Variants in PREX2 observed in about 807,000 individuals in gnomAD.
PREX2 encodes phosphatidylinositol-3,4,5-trisphosphate dependent Rac exchange factor 2.
A neutral mutation model predicts 203.2 loss-of-function variants in PREX2; 107 were observed. The observed-to-expected ratio is 0.53, with a 90% CI of 0.45 to 0.62. The LOEUF is 0.62. Among genes scored for constraint, PREX2 ranks in the 20% least tolerant of loss-of-function variants. The pLI is 0.00. For missense variants in PREX2, 1,777 were observed against 1,955.9 expected, an observed-to-expected ratio of 0.91 and a Z score of 1.72; for synonymous variants, 672 against 663.6, an observed-to-expected ratio of 1.01 and a Z score of -0.19.
chr8:68,027,475 A>G, intron 5 of PREX2, 152 bp downstream of exon 5: 1 of 600,462 alleles, frequency 1.7e-6, no homozygotes, highest in Non-Finnish European at 2.9e-6. Context: ...TCACAAATTT[A>G]TATATAGTGT....
intron 35 of PREX2, among the ~76,000 whole-genome samples, chr8:68,159,059 G>A (rs185212736): frequency 1.8e-3 from 269 of 152,238 alleles, no homozygotes; most frequent in African/African-American, 6.1e-3. Context: ...TGCCAGAACA[G>A]CAACAAAGAC....
rs1251616893 is a variant in PREX2, at chr8:68,235,572, C to A, written c.*4194C>A. On this transcript the variant is annotated 3_prime_UTR_variant, in exon 40 of 40. Coordinates refer to ENST00000288368, the MANE Select transcript of PREX2 (RefSeq NM_024870.4). ...TTGAGAAAAATAATCTGTCTTCTAT[C>A]GAATGTTTGAACTTTTAGTGATGAG... is the stretch of plus-strand genomic sequence containing the variant. 3 of 152,056 alleles carry A rather than the reference C, an allele frequency of 2.0e-5. No individual in the cohort carries two copies. The highest frequency in any genetic ancestry group is 4.4e-5 in the Non-Finnish European group (3 of 67,994). The allele number at this position is 152,056 out of a possible 1,614,324, so 9.4% of individuals were successfully genotyped here. A position where few individuals can be genotyped will look rare whatever the true frequency, so the allele number is the denominator to read the frequency against.
chr8:68,109,732 T>G (rs1810500162), intron 25 of PREX2, 109 bp downstream of exon 25: 1 of 885,378 alleles, frequency 1.1e-6, no homozygotes, highest in Admixed American at 2.4e-5. Flanking sequence ...TTTAGGAGAT[T>G]TGTGCTGATT....
At chr8:68,221,765 C>A (rs1177124083) in intron 38 of PREX2, among the ~76,000 whole-genome samples, 22 of 151,990 alleles carry the variant, frequency 1.4e-4, no homozygotes, top group Admixed American at 1.3e-3. Flanking sequence ...TTATTTGAAA[C>A]CTTTTAAGAA....
intron 4 of PREX2, among the ~76,000 whole-genome samples, chr8:68,023,529 G>T (rs1442857154): frequency 6.6e-6 from 1 of 152,082 alleles, no homozygotes; most frequent in East Asian, 1.9e-4. Context: ...TCCTATATCA[G>T]GTATACAATA....
At chr8:68,187,654 C>A (rs1812215436) in intron 35 of PREX2, among the ~76,000 whole-genome samples, 1 of 152,154 alleles carries the variant, frequency 6.6e-6, no homozygotes, top group African/African-American at 2.4e-5. Flanking sequence ...CTTTTTCTAC[C>A]AAGTTTACTT....
chr8:67,957,686 C>A (rs1805528853), intron 1 of PREX2, among the ~76,000 whole-genome samples: 1 of 152,150 alleles, frequency 6.6e-6, no homozygotes, highest in Non-Finnish European at 1.5e-5. Context: ...GCAAACAAAG[C>A]AGAATTTGAA....
At chr8:68,067,813 G>A (rs1809065187) in intron 11 of PREX2, among the ~76,000 whole-genome samples, 1 of 152,022 alleles carries the variant, frequency 6.6e-6, no homozygotes, top group Admixed American at 6.5e-5. Context: ...AAAGCTTTCA[G>A]CTTTTGACCA....
chr8:68,027,547 A>G (rs1214931938), intron 5 of PREX2, among the ~76,000 whole-genome samples: 1 of 152,054 alleles, frequency 6.6e-6, no homozygotes, highest in Non-Finnish European at 1.5e-5. Context: ...TGTATAAAAC[A>G]TACTTGTTTA....
Position 67,989,947 on chromosome 8 carries a change from G to A in PREX2, c.142-27899G>A, listed in dbSNP as rs573936724. Among the ~76,000 whole-genome samples the A allele has an allele frequency of 2.6e-5, 4 of 152,140 alleles. No individual in the cohort carries two copies. The East Asian group carries it at 7.7e-4, about 29-fold the overall frequency. On this transcript the variant is annotated intron_variant, in intron 1 of 39. Coordinates refer to ENST00000288368, the MANE Select transcript of PREX2 (RefSeq NM_024870.4). The stretch of plus-strand genomic sequence containing the variant: ...GGACCAATAATTTCTGAGTTTTAAG[G>A]CTTTGTAAACTGCTCATCTGTAAAA...
At chr8:68,181,675 G>C (rs561586738) in intron 35 of PREX2, among the ~76,000 whole-genome samples, 14 of 152,046 alleles carry the variant, frequency 9.2e-5, no homozygotes, top group Non-Finnish European at 1.6e-4. Flanking sequence ...ATCCATGATG[G>C]ATAATTTTCA....
intron 17 of PREX2, chr8:68,082,060 T>G (rs1257239950): frequency 1.5e-5 from 2 of 134,406 alleles, no homozygotes; most frequent in Non-Finnish European, 3.3e-5. Context: ...ATTCATTCAT[T>G]TAGAAGTATT....
chr8:68,171,216 A>G lies in PREX2; in HGVS notation c.4346+13780A>G, dbSNP rs149113900. Among the ~76,000 whole-genome samples the G allele has an allele frequency of 1.7e-3, 260 of 152,292 alleles. 4 individuals are homozygous for G. In the East Asian group the frequency reaches 0.04, roughly 23 times the overall value. On this transcript the variant is annotated intron_variant, in intron 35 of 39. Coordinates refer to ENST00000288368, the MANE Select transcript of PREX2 (RefSeq NM_024870.4). ...AAGAAGAAACTTTTTCAAAGCAAGT[A>G]TTCTCTGATGGTGTGCCTTCATCAA...
At chr8:68,066,767 C>T (rs1185347131) in intron 11 of PREX2, among the ~76,000 whole-genome samples, 5 of 151,880 alleles carry the variant, frequency 3.3e-5, no homozygotes, top group Non-Finnish European at 7.4e-5. Flanking sequence ...GCCTTTGTTG[C>T]CCGTACTTTT....
At chr8:68,107,476 AT>A in intron 23 of PREX2, among the ~76,000 whole-genome samples, 1 of 152,296 alleles carries the variant, frequency 6.6e-6, no homozygotes, top group Admixed American at 6.5e-5. Flanking sequence ...AGTCATATAA[AT>A]CATGTGAGTA....
At chr8:68,041,539 T>C (rs994205320) in intron 7 of PREX2, among the ~76,000 whole-genome samples, 1 of 152,144 alleles carries the variant, frequency 6.6e-6, no homozygotes, top group African/African-American at 2.4e-5. Context: ...CAAAAAATAA[T>C]TAAATTGTTG....
chr8:68,049,154 A>G (rs1025959861), intron 8 of PREX2, among the ~76,000 whole-genome samples: 5 of 141,180 alleles, frequency 3.5e-5, no homozygotes, highest in South Asian at 2.2e-4. Context: ...ATAATATCAT[A>G]TGCTATTTGG....
chr8:68,046,511 A>G (rs927963433), intron 8 of PREX2, among the ~76,000 whole-genome samples: 3 of 152,132 alleles, frequency 2.0e-5, no homozygotes, highest in Non-Finnish European at 4.4e-5. Context: ...TCCAGCCTAC[A>G]GGTCCCCAGT....
At chr8:68,067,535 T>C (rs941509673) in intron 11 of PREX2, among the ~76,000 whole-genome samples, 5 of 152,084 alleles carry the variant, frequency 3.3e-5, no homozygotes, top group African/African-American at 1.2e-4. Context: ...CATTTCTTTT[T>C]TCCATAGTGC....
Sources: allele counts gnomAD v4.1 joint callset (sites outside exome capture counted in the v4.1 genomes callset), GRCh38; gene constraint gnomAD v4.1.1; transcripts MANE v1.5; gene names NCBI Gene and HGNC (gene_info 2026-07-23, HGNC 2026-07-21).